LINGO2: variants seen among roughly 807,000 people sequenced by gnomAD.
LINGO2 encodes the protein leucine-rich repeat and immunoglobulin-like domain-containing nogo receptor-interacting protein 2.
LINGO2 carries 14 observed loss-of-function variants against 30.6 expected under a neutral mutation model. That is an observed-to-expected ratio of 0.46 (90% CI 0.30 to 0.72). LINGO2 has a LOEUF of 0.72. LINGO2 is among the 30% of genes least tolerant of loss of function. LINGO2 has a pLI of 0.07. For synonymous variants in LINGO2, 317 were observed against 288.5 expected, an observed-to-expected ratio of 1.10 and a Z score of -1.00; for missense variants, 729 against 751.7, an observed-to-expected ratio of 0.97 and a Z score of 0.35.
At chr9:28,380,237 G>T (rs947766337) in intron 2 of LINGO2, among the ~76,000 whole-genome samples, 2 of 151,966 alleles carry the variant, frequency 1.3e-5, no homozygotes, top group African/African-American at 4.8e-5. Context: ...CATATACAAT[G>T]TGTCTAAAAT....
At chr9:28,045,633 A>T (rs1276866306) in intron 4 of LINGO2, among the ~76,000 whole-genome samples, 1 of 152,192 alleles carries the variant, frequency 6.6e-6, no homozygotes, top group African/African-American at 2.4e-5. Context: ...TACTCTTGTC[A>T]TTTAATACTT....
At chr9:28,274,977 G>C (rs925140611) in intron 4 of LINGO2, among the ~76,000 whole-genome samples, 7 of 152,160 alleles carry the variant, frequency 4.6e-5, no homozygotes, top group African/African-American at 9.7e-5. Flanking sequence ...AGCCTTTATT[G>C]ATTTCCTGTC....
At chr9:28,885,273 G>A in the LINGO2 span, among the ~76,000 whole-genome samples, 1 of 148,076 alleles carries the variant, frequency 6.8e-6, no homozygotes, top group Admixed American at 6.8e-5. Flanking sequence ...CAGTGTGGAA[G>A]TGGTGGCGAC....
intron 3 of LINGO2, among the ~76,000 whole-genome samples, chr9:28,321,359 G>T (rs778665553): frequency 6.6e-6 from 1 of 152,092 alleles, no homozygotes; most frequent in Non-Finnish European, 1.5e-5. Flanking sequence ...AGAGAAAACT[G>T]CATATAGCCA....
At chr9:28,361,733 T>C (rs796633468) in intron 3 of LINGO2, among the ~76,000 whole-genome samples, 34 of 152,328 alleles carry the variant, frequency 2.2e-4, no homozygotes, top group African/African-American at 7.7e-4. Context: ...TTAATTAATA[T>C]GTTTTTTTCC....
At chr9:28,266,201 C>A (rs977149120) in intron 4 of LINGO2, among the ~76,000 whole-genome samples, 12 of 151,886 alleles carry the variant, frequency 7.9e-5, no homozygotes, top group African/African-American at 2.9e-4. Context: ...CCAAAAGATC[C>A]CCATTTGATG....
chr9:28,234,141 G>A (rs1821472531), intron 4 of LINGO2, among the ~76,000 whole-genome samples: 2 of 152,088 alleles, frequency 1.3e-5, no homozygotes, highest in Admixed American at 6.5e-5. Context: ...TTGGGGTCCT[G>A]GAGTCCAGGC....
chr9:29,211,062 G>A, the LINGO2 span, among the ~76,000 whole-genome samples: 2 of 151,996 alleles, frequency 1.3e-5, no homozygotes, highest in Admixed American at 6.6e-5. Flanking sequence ...CAGTATTCCT[G>A]GAATATTCCA....
At chr9:27,951,844 G>T (rs1243123741) in intron 5 of LINGO2, among the ~76,000 whole-genome samples, 1 of 151,258 alleles carries the variant, frequency 6.6e-6, no homozygotes, top group South Asian at 2.1e-4. Context: ...ATAATTATCC[G>T]ATTACAGTAT....
the LINGO2 span, among the ~76,000 whole-genome samples, chr9:29,044,575 C>G: frequency 3.3e-5 from 5 of 151,934 alleles, no homozygotes; most frequent in East Asian, 9.6e-4. Context: ...ACCCTGTGAC[C>G]CTGAAATTCT....
chr9:28,633,064 A>G (rs1331348828), intron 1 of LINGO2, among the ~76,000 whole-genome samples: 1 of 151,700 alleles, frequency 6.6e-6, no homozygotes, highest in Non-Finnish European at 1.5e-5. Context: ...AGCATCCAGC[A>G]TAGGAGAAAG....
chr9:28,025,910 A>C (rs932346072), intron 4 of LINGO2, among the ~76,000 whole-genome samples: 3 of 151,696 alleles, frequency 2.0e-5, no homozygotes, highest in Non-Finnish European at 4.4e-5. Flanking sequence ...TAAAAATGCA[A>C]ATCTCATCAA....
At chr9:27,968,142 T>G (rs1820188008) in intron 5 of LINGO2, among the ~76,000 whole-genome samples, 1 of 152,090 alleles carries the variant, frequency 6.6e-6, no homozygotes, top group Non-Finnish European at 1.5e-5. Flanking sequence ...GGGACAGAGA[T>G]GAGCAAATGC....
At chr9:28,381,774 A>G (rs1462204215) in intron 2 of LINGO2, among the ~76,000 whole-genome samples, 2 of 152,124 alleles carry the variant, frequency 1.3e-5, no homozygotes, top group African/African-American at 2.4e-5. Flanking sequence ...ACATTGACCC[A>G]GATGGTCATT....
At chr9:28,763,348 A>G in the LINGO2 span, among the ~76,000 whole-genome samples, 2 of 152,028 alleles carry the variant, frequency 1.3e-5, no homozygotes, top group Non-Finnish European at 2.9e-5. Context: ...TTTTCCTACT[A>G]AAATAGAATG....
intron 2 of LINGO2, among the ~76,000 whole-genome samples, chr9:28,453,815 T>G (rs551150159): frequency 6.6e-6 from 1 of 152,126 alleles, no homozygotes; most frequent in South Asian, 2.1e-4. Context: ...AGCTTCCTAA[T>G]TCTTTACTCA....
intron 3 of LINGO2, among the ~76,000 whole-genome samples, chr9:28,335,618 A>G (rs1825564916): frequency 2.0e-5 from 3 of 152,174 alleles, no homozygotes. Context: ...TTCCTTAAAA[A>G]TATCTGAGGA....
intron 1 of LINGO2, among the ~76,000 whole-genome samples, chr9:28,640,214 T>C (rs1029324404): frequency 1.3e-5 from 2 of 152,160 alleles, no homozygotes; most frequent in Non-Finnish European, 2.9e-5. Context: ...GGACTTTCCT[T>C]TGTGGGTAAC....
At chr9:28,342,276 G>C (rs1825792942) in intron 3 of LINGO2, among the ~76,000 whole-genome samples, 2 of 152,110 alleles carry the variant, frequency 1.3e-5, no homozygotes, top group Non-Finnish European at 2.9e-5. Context: ...TGATCTTTTA[G>C]TGTTCATATT....
Sources: gnomAD v4.1 joint callset for allele counts (sites outside exome capture counted in the v4.1 genomes callset) on GRCh38, gnomAD v4.1.1 for gene constraint, MANE v1.5 for transcripts, NCBI Gene and HGNC (gene_info 2026-07-23, HGNC 2026-07-21) for gene names.